Variants in DMD observed in about 807,000 individuals in gnomAD.
The protein encoded by DMD is dystrophin, also known as mutant dystrophin.
A neutral mutation model predicts 330.1 loss-of-function variants in DMD; 63 were observed. That is an observed-to-expected ratio of 0.19 (90% CI 0.16 to 0.24). DMD has a LOEUF of 0.24. DMD is among the 10% of genes least tolerant of loss of function. The probability of loss-of-function intolerance (pLI) is 1.00; values close to 1 mark genes in which losing one functional copy is unlikely to be tolerated. For synonymous variants in DMD, 1,223 were observed against 959.8 expected, an observed-to-expected ratio of 1.27 and a Z score of -5.07; for missense variants, 3,344 against 2,684.1, an observed-to-expected ratio of 1.25 and a Z score of -5.43.
intron 55 of DMD, among the ~76,000 whole-genome samples, chrX:31,572,815 A>T (rs957705304): frequency 8.9e-6 from 1 of 112,089 alleles, no homozygotes; most frequent in Non-Finnish European, 1.9e-5. Context: ...CATTTCTAGG[A>T]CTTCCCAAGT....
intron 25 of DMD, among the ~76,000 whole-genome samples, chrX:32,461,542 CA>C (rs2098383352): frequency 2.7e-5 from 3 of 111,158 alleles, no homozygotes; most frequent in African/African-American, 9.8e-5. Context: ...ATTCTTAGTA[CA>C]TATAACAGAC....
At chrX:32,140,882 G>A (rs2096749100) in intron 44 of DMD, among the ~76,000 whole-genome samples, 1 of 111,310 alleles carries the variant, frequency 9.0e-6, no homozygotes, top group Admixed American at 9.6e-5. Flanking sequence ...TTCAAGATGA[G>A]ATTTGGGTGG....
intron 1 of DMD, among the ~76,000 whole-genome samples, chrX:33,226,135 T>C (rs965358211): frequency 1.8e-5 from 2 of 111,582 alleles, no homozygotes; most frequent in Admixed American, 1.9e-4. Flanking sequence ...AAACATGAGA[T>C]GGTAAAGGTA....
intron 47 of DMD, among the ~76,000 whole-genome samples, chrX:31,927,685 T>A (rs1196948266): frequency 9.0e-6 from 1 of 111,082 alleles, no homozygotes; most frequent in East Asian, 2.8e-4. Context: ...TAGAGACACT[T>A]AAGCGCACAT....
intron 7 of DMD, among the ~76,000 whole-genome samples, chrX:32,757,923 C>G (rs958949268): frequency 1.8e-5 from 2 of 111,239 alleles, no homozygotes; most frequent in African/African-American, 6.6e-5. Flanking sequence ...GGGTTAACAC[C>G]CTTTCACTTC....
intron 9 of DMD, among the ~76,000 whole-genome samples, chrX:32,666,321 T>G (rs1392977364): frequency 9.0e-6 from 1 of 110,903 alleles, no homozygotes. Flanking sequence ...AAGCCCTGCA[T>G]GCATTAGGTA....
intron 4 of DMD, among the ~76,000 whole-genome samples, chrX:32,843,516 T>C (rs1471025524): frequency 8.9e-6 from 1 of 112,112 alleles, no homozygotes; most frequent in Non-Finnish European, 1.9e-5. Flanking sequence ...AATCAGCCAA[T>C]TAATTGCTGC....
intron 60 of DMD, among the ~76,000 whole-genome samples, chrX:31,399,307 A>T (rs1327788859): frequency 9.1e-6 from 1 of 109,356 alleles, no homozygotes; most frequent in African/African-American, 3.3e-5. Context: ...ACTCCTCTCC[A>T]AAGCTATGCT....
At chrX:31,992,140 G>A (rs970936636) in intron 44 of DMD, among the ~76,000 whole-genome samples, 1 of 111,814 alleles carries the variant, frequency 8.9e-6, no homozygotes, top group Non-Finnish European at 1.9e-5. Context: ...AGGGTAAGAC[G>A]TGTGGATAGC....
intron 1 of DMD, among the ~76,000 whole-genome samples, chrX:33,151,140 G>C (rs935875494): frequency 2.7e-5 from 3 of 112,344 alleles, no homozygotes; most frequent in African/African-American, 9.7e-5. Flanking sequence ...TTTTTGAATG[G>C]ATAAACAAAG....
intron 1 of DMD, among the ~76,000 whole-genome samples, chrX:33,280,131 C>T (rs757636235): frequency 9.1e-5 from 10 of 110,117 alleles, no homozygotes; most frequent in South Asian, 7.9e-4. Context: ...TACAGGTGTG[C>T]GCCACTACGC....
intron 2 of DMD, among the ~76,000 whole-genome samples, chrX:32,864,598 A>G (rs992870183): frequency 1.8e-5 from 2 of 112,175 alleles, no homozygotes; most frequent in African/African-American, 6.5e-5. Flanking sequence ...ATAATTCTAC[A>G]TATATACATT....
chrX:33,320,852 A>G (rs2054004792), intron 1 of DMD, among the ~76,000 whole-genome samples: 1 of 112,313 alleles, frequency 8.9e-6, no homozygotes, highest in African/African-American at 3.2e-5. Context: ...CTTTGTTGTC[A>G]TCTCAACAAT....
At chrX:31,129,648 G>C (rs1167328794) in intron 77 of DMD, among the ~76,000 whole-genome samples, 1 of 112,106 alleles carries the variant, frequency 8.9e-6, no homozygotes, top group East Asian at 2.8e-4. Flanking sequence ...GTATGGCTGT[G>C]TTCCAATAAA....
intron 1 of DMD, among the ~76,000 whole-genome samples, chrX:33,186,251 G>A (rs1330374267): frequency 8.9e-6 from 1 of 111,799 alleles, no homozygotes; most frequent in Non-Finnish European, 1.9e-5. Flanking sequence ...CTACATGTAG[G>A]CTCTCCTTTC....
At chrX:32,664,240 T>G (rs1410897717) in intron 9 of DMD, among the ~76,000 whole-genome samples, 1 of 82,719 alleles carries the variant, frequency 1.2e-5, no homozygotes, top group Non-Finnish European at 2.3e-5. Flanking sequence ...TGGCATAGGT[T>G]TTTTTTTTTT....
chrX:31,157,941 C>T (rs1407961534), intron 74 of DMD, among the ~76,000 whole-genome samples: 1 of 107,995 alleles, frequency 9.3e-6, no homozygotes, highest in Non-Finnish European at 1.9e-5. Flanking sequence ...GTAGTTGGGA[C>T]TACAGGCATG....
intron 44 of DMD, among the ~76,000 whole-genome samples, chrX:32,195,235 G>T (rs1014047211): frequency 3.6e-5 from 4 of 111,432 alleles, no homozygotes; most frequent in Admixed American, 1.9e-4. Flanking sequence ...CTGGGGAAGG[G>T]GAAAGATTTT....
rs142064915 is a variant in DMD at position 32,772,114 on chromosome X, T to C, written c.649+37379A>G. Among the ~76,000 whole-genome samples, 4 of 112,474 alleles carry C rather than the reference T, an allele frequency of 3.6e-5. No individual in the cohort carries two copies. In the East Asian group the frequency reaches 1.1e-3, roughly 32 times the overall value. ...TTGGTTGGCCATTCATAATTTGAAATGGTAAATCACTAGCTATTTCCTAAA... is the reference window on the plus strand; with the variant it reads ...TTGGTTGGCCATTCATAATTTGAAACGGTAAATCACTAGCTATTTCCTAAA... On this transcript the variant is annotated intron_variant, in intron 7 of 78. Coordinates refer to ENST00000357033, the MANE Select transcript of DMD (RefSeq NM_004006.3).
Sources: gnomAD v4.1 joint callset for allele counts (sites outside exome capture counted in the v4.1 genomes callset) on GRCh38, gnomAD v4.1.1 for gene constraint, MANE v1.5 for transcripts, NCBI Gene and HGNC (gene_info 2026-07-23, HGNC 2026-07-21) for gene names.